The following RIMBP2 variants were observed in gnomAD, a reference collection of about 807,000 sequenced individuals.
The protein encoded by RIMBP2 is RIMS-binding protein 2.
RIMBP2 carries 48 observed loss-of-function variants against 118.6 expected under a neutral mutation model. That is an observed-to-expected ratio of 0.40 (90% CI 0.32 to 0.51). The LOEUF (loss-of-function observed/expected upper bound fraction) is 0.51, where lower values mean the gene tolerates loss of function less well. RIMBP2 is among the 20% of genes least tolerant of loss of function. The pLI, the probability that RIMBP2 is intolerant of heterozygous loss-of-function variation, is 0.41. For synonymous variants in RIMBP2, 762 were observed against 742.9 expected (o/e 1.03, Z -0.42); for missense variants, 1,551 against 1,768.3 (o/e 0.88, Z 2.20).
chr12:130,524,029 C>T (rs1003290602), intron 2 of RIMBP2, among the ~76,000 whole-genome samples: 3 of 152,072 alleles, frequency 2.0e-5, no homozygotes, highest in Non-Finnish European at 4.4e-5. Flanking sequence ...CTGGACAGGC[C>T]CCAGCAAGAT....
intron 2 of RIMBP2, among the ~76,000 whole-genome samples, chr12:130,558,706 C>T (rs528879071): frequency 4.6e-5 from 7 of 152,260 alleles, no homozygotes; most frequent in East Asian, 3.9e-4. Flanking sequence ...AGGGCTGGTC[C>T]CAGCAGCGCA....
intron 2 of RIMBP2, among the ~76,000 whole-genome samples, chr12:130,609,150 C>G (rs2060357222): frequency 6.6e-6 from 1 of 152,120 alleles, no homozygotes; most frequent in Admixed American, 6.5e-5. Flanking sequence ...CCCACTATGT[C>G]ACTGGTACCG....
chr12:130,501,642 G>A (rs114202482), intron 4 of RIMBP2, among the ~76,000 whole-genome samples: 4,731 of 152,252 alleles, frequency 0.031, 254 homozygotes, highest in African/African-American at 0.11. Flanking sequence ...CCCTTAATTT[G>A]CATGTAATTA....
At chr12:130,567,273 G>C (rs768431905) in intron 2 of RIMBP2, among the ~76,000 whole-genome samples, 4 of 152,132 alleles carry the variant, frequency 2.6e-5, no homozygotes, top group Admixed American at 6.5e-5. Flanking sequence ...CAGGCCCCAG[G>C]TTTCCGCATG....
At chr12:130,461,110 G>T (rs976121459) in intron 6 of RIMBP2, among the ~76,000 whole-genome samples, 4 of 152,174 alleles carry the variant, frequency 2.6e-5, no homozygotes, top group African/African-American at 9.7e-5. Context: ...GTGACACTAG[G>T]GGTCACATTT....
chr12:130,548,666 C>T (rs1410083966), intron 2 of RIMBP2, among the ~76,000 whole-genome samples: 1 of 152,206 alleles, frequency 6.6e-6, no homozygotes, highest in Admixed American at 6.5e-5. Context: ...CTCCACCTCC[C>T]GGGTTCAAGC....
At chr12:130,500,808 G>A (rs1464627795) in intron 4 of RIMBP2, among the ~76,000 whole-genome samples, 1 of 152,184 alleles carries the variant, frequency 6.6e-6, no homozygotes, top group Non-Finnish European at 1.5e-5. Flanking sequence ...GGTGCTAGAT[G>A]AGAACGGTGG....
At chr12:130,425,322 T>G in intron 15 of RIMBP2, 1 of 155,420 alleles carries the variant, frequency 6.4e-6, no homozygotes, top group Non-Finnish European at 1.4e-5. Flanking sequence ...GCCTGACCCG[T>G]CCCTGTCCAT....
At chr12:130,632,035 A>G (rs2062023058) in intron 1 of RIMBP2, among the ~76,000 whole-genome samples, 1 of 152,264 alleles carries the variant, frequency 6.6e-6, no homozygotes, top group South Asian at 2.1e-4. Flanking sequence ...GTTATCACAT[A>G]AAAACATTTT....
rs80071870 is a variant in RIMBP2, at chr12:130,536,472, T to C, written c.-216-18555A>G. Among the ~76,000 whole-genome samples the C allele has an allele frequency of 8.8e-3, 1,339 of 152,312 alleles. 24 individuals carry two copies. The highest frequency in any genetic ancestry group is 0.031 in the African/African-American group (1,269 of 41,556). On this transcript the variant is annotated intron_variant, in intron 2 of 22. Coordinates refer to ENST00000690449, the MANE Select transcript of RIMBP2 (RefSeq NM_001393629.1). ...TCCAAAAGGTCTTTAGAATCCTTTA[T>C]TCGCATCAAAAAATTTCACCGTCAT...
chr12:130,664,403 GCACGCACGCACACACACGCACA>G (rs1451190979), intron 1 of RIMBP2, among the ~76,000 whole-genome samples: 1 of 61,694 alleles, frequency 1.6e-5, no homozygotes, highest in Non-Finnish European at 4.4e-5. Flanking sequence ...ACACACGCAC[GCACGCACGCACACACACGCACA>G]CACATGCATG....
rs1485673656 is a variant in RIMBP2 at position 130,424,842 on chromosome 12, C to T, written c.2429G>A (p.Arg810Lys). 12 of 1,232,484 alleles carry T rather than the reference C, an allele frequency of 9.7e-6. No individual in the cohort carries two copies. The highest frequency in any genetic ancestry group is 4.7e-5 in the African/African-American group (3 of 64,416). The allele number at this position is 1,232,484 out of a possible 1,614,324, so 76.3% of individuals were successfully genotyped here. A position where few individuals can be genotyped will look rare whatever the true frequency, so the allele number is the denominator to read the frequency against. The change falls in exon 16 of 23, where the codon AGG (arginine) becomes AAG (lysine). Residue 810 changes from arginine to lysine, a missense_variant. Physicochemically the swap from Arg to Lys is conservative, Grantham distance 26. This residue lies in a region of RIMBP2 where 1,038 missense variants were observed against 1,125.1 expected (regional missense o/e 0.92). Transcript: ENST00000690449. This position sits in a 1 kb window ranked among gnomAD's most constrained non-coding sequence, Gnocchi z 9.8. ...CTCCCAGAAAGTGCCTTCCGAGGTC[C>T]TATGGTCAGTGCAGTCCTTACGGGG... ...HNALKDCTDH[R>K]TSEGTFWEQP... is the part of the protein sequence containing the mutation.
intron 11 of RIMBP2, among the ~76,000 whole-genome samples, chr12:130,441,315 C>G (rs753025589): frequency 1.3e-5 from 2 of 151,486 alleles, no homozygotes; most frequent in Non-Finnish European, 2.9e-5. Context: ...GCAGGAGAAT[C>G]GCTTGAAATT....
chr12:130,449,574 G>A (rs1169045158), intron 9 of RIMBP2, among the ~76,000 whole-genome samples: 1 of 151,858 alleles, frequency 6.6e-6, no homozygotes, highest in African/African-American at 2.4e-5. Context: ...TCGGGGCTCT[G>A]GACATGTCCC....
intron 2 of RIMBP2, among the ~76,000 whole-genome samples, chr12:130,583,876 TCAC>T (rs1164179699): frequency 2.3e-5 from 3 of 131,862 alleles, no homozygotes; most frequent in Non-Finnish European, 4.8e-5. Context: ...ACCATGACCA[TCAC>T]CACCATCACC....
rs138516384 is a variant in RIMBP2 at position 130,616,612 on chromosome 12, A to G, written c.-217+11710T>C. Among the ~76,000 whole-genome samples, 346 of 152,322 alleles carry G rather than the reference A, an allele frequency of 2.3e-3. 2 individuals carry two copies. In the Middle Eastern group the frequency reaches 0.041, roughly 18 times the overall value. ...TACTGGGCGCCCAAATGTGCAGGACACCATCCTAGGAGACAATGAATGAGA... is the reference window on the plus strand; with the variant it reads ...TACTGGGCGCCCAAATGTGCAGGACGCCATCCTAGGAGACAATGAATGAGA... On this transcript the variant is annotated intron_variant, in intron 2 of 22. Transcript: ENST00000690449.
intron 9 of RIMBP2, among the ~76,000 whole-genome samples, chr12:130,449,595 C>T (rs984612883): frequency 5.9e-5 from 9 of 152,018 alleles, no homozygotes; most frequent in South Asian, 2.1e-4. Context: ...CTTTCACTCT[C>T]GGTGGCGGGA....
chr12:130,664,415 A>ACACGCACGCGCACGCACGCACACACG (rs1555320883), intron 1 of RIMBP2, among the ~76,000 whole-genome samples: 1 of 130,496 alleles, frequency 7.7e-6, no homozygotes, highest in Non-Finnish European at 1.7e-5. Context: ...ACGCACGCAC[A>ACACGCACGCGCACGCACGCACACACG]CACACGCACA....
At chr12:130,595,020 C>A (rs547846910) in intron 2 of RIMBP2, among the ~76,000 whole-genome samples, 1 of 152,150 alleles carries the variant, frequency 6.6e-6, no homozygotes, top group South Asian at 2.1e-4. Flanking sequence ...ACACTGCCTT[C>A]GTTATTAAGG....
Sources: gnomAD v4.1 joint callset for allele counts (sites outside exome capture counted in the v4.1 genomes callset) on GRCh38, gnomAD v4.1.1 for gene constraint, gnomAD v4.1.1 regional missense constraint, Gnocchi (gnomAD v3.1) non-coding constraint, MANE v1.5 for transcripts, NCBI Gene and HGNC (gene_info 2026-07-23, HGNC 2026-07-21) for gene names.